KCNH1: variants seen among roughly 807,000 people sequenced by gnomAD.
KCNH1 encodes voltage-gated delayed rectifier potassium channel KCNH1.
Under a neutral mutation model 69.2 loss-of-function variants are expected in KCNH1, and 27 were observed. That is an observed-to-expected ratio of 0.39 (90% CI 0.29 to 0.54). The LOEUF (loss-of-function observed/expected upper bound fraction) is 0.54. Among genes scored for constraint, KCNH1 ranks in the 20% least tolerant of loss-of-function variants. The probability of loss-of-function intolerance (pLI) is 0.68; values close to 1 mark genes in which losing one functional copy is unlikely to be tolerated. For missense variants in KCNH1, 798 were observed against 1,261.6 expected, an observed-to-expected ratio of 0.63 and a Z score of 5.57; for synonymous variants, 456 against 487.7, an observed-to-expected ratio of 0.93 and a Z score of 0.86.
chr1:210,846,823 C>T (rs1685560319), intron 7 of KCNH1, among the ~76,000 whole-genome samples: 1 of 152,098 alleles, frequency 6.6e-6, no homozygotes, highest in East Asian at 1.9e-4. Context: ...ATTTTTGCAA[C>T]CTACTCATCT....
intron 10 of KCNH1, among the ~76,000 whole-genome samples, chr1:210,738,552 CTTTTTTTTTTTTTTTT>C (rs57669878): frequency 0.01 from 509 of 49,186 alleles, 8 homozygotes; most frequent in African/African-American, 0.032. Flanking sequence ...GGCTTTTTTG[CTTTTTTTTTTTTTTTT>C]TTTTTTTTTT....
chr1:210,744,885 T>G (rs1208163991), intron 10 of KCNH1, among the ~76,000 whole-genome samples: 1 of 151,982 alleles, frequency 6.6e-6, no homozygotes, highest in Non-Finnish European at 1.5e-5. Flanking sequence ...ATGTAAATGT[T>G]AAACAAAGAT....
chr1:210,787,243 C>G (rs1462296208), intron 9 of KCNH1, among the ~76,000 whole-genome samples: 1 of 151,998 alleles, frequency 6.6e-6, no homozygotes, highest in Admixed American at 6.5e-5. Flanking sequence ...TCTAATCTCC[C>G]TTTGCAACCC....
At chr1:210,842,652 A>G (rs1685436009) in intron 7 of KCNH1, among the ~76,000 whole-genome samples, 1 of 152,196 alleles carries the variant, frequency 6.6e-6, no homozygotes, top group Non-Finnish European at 1.5e-5. Flanking sequence ...TTTTAAGGAA[A>G]GCAGGCTGAA....
At chr1:211,118,612 C>T (rs889097487) in intron 1 of KCNH1, among the ~76,000 whole-genome samples, 4 of 152,188 alleles carry the variant, frequency 2.6e-5, no homozygotes, top group Non-Finnish European at 4.4e-5. Flanking sequence ...AACAAACATT[C>T]TCTAAAAATT....
chr1:210,831,950 G>A (rs1685168616), intron 7 of KCNH1, among the ~76,000 whole-genome samples: 1 of 151,130 alleles, frequency 6.6e-6, no homozygotes, highest in South Asian at 2.1e-4. Flanking sequence ...AAATGTGCTG[G>A]TACAACTGAG....
chr1:210,926,946 TTGAAC>T (rs982530441), intron 6 of KCNH1, among the ~76,000 whole-genome samples: 1 of 151,992 alleles, frequency 6.6e-6, no homozygotes, highest in African/African-American at 2.4e-5. Flanking sequence ...CAGGACAGAA[TTGAAC>T]AAGCAGGAGA....
intron 5 of KCNH1, among the ~76,000 whole-genome samples, chr1:211,032,832 C>T (rs575287074): frequency 6.6e-6 from 1 of 152,252 alleles, no homozygotes; most frequent in Non-Finnish European, 1.5e-5. Context: ...TAGGCAATAC[C>T]ATTCAGGACA....
intron 6 of KCNH1, among the ~76,000 whole-genome samples, chr1:210,960,877 G>A (rs935734191): frequency 3.9e-5 from 6 of 152,154 alleles, no homozygotes; most frequent in Non-Finnish European, 7.4e-5. Flanking sequence ...CAGAAATGTA[G>A]GAGAGTTCTG....
At chr1:210,968,946 C>T (rs1000221944) in intron 6 of KCNH1, among the ~76,000 whole-genome samples, 2 of 152,040 alleles carry the variant, frequency 1.3e-5, no homozygotes, top group East Asian at 3.8e-4. Flanking sequence ...AAATTAAGGA[C>T]ATCCCTTTTT....
chr1:211,079,062 C>T (rs1371280015), intron 5 of KCNH1, among the ~76,000 whole-genome samples: 2 of 151,280 alleles, frequency 1.3e-5, no homozygotes, highest in Admixed American at 6.6e-5. Flanking sequence ...AATTGATAGA[C>T]CACTAGCAAG....
chr1:210,724,284 G>A (rs1195835193), intron 10 of KCNH1, among the ~76,000 whole-genome samples: 2 of 152,142 alleles, frequency 1.3e-5, no homozygotes, highest in Non-Finnish European at 2.9e-5. Context: ...AAATCAGAAT[G>A]TCTGATGTGG....
chr1:210,961,680 A>C (rs1245426983), intron 6 of KCNH1, among the ~76,000 whole-genome samples: 1 of 152,026 alleles, frequency 6.6e-6, no homozygotes, highest in Admixed American at 6.6e-5. Context: ...TTCTCTACTA[A>C]AAATAAAAAA....
chr1:210,741,910 C>T (rs530887121), intron 10 of KCNH1, among the ~76,000 whole-genome samples: 10 of 152,128 alleles, frequency 6.6e-5, no homozygotes, highest in Non-Finnish European at 1.2e-4. Flanking sequence ...AGAAGAGCCC[C>T]GCTAGATTAA....
At chr1:210,798,304 G>A (rs1412294283) in intron 8 of KCNH1, among the ~76,000 whole-genome samples, 1 of 152,178 alleles carries the variant, frequency 6.6e-6, no homozygotes, top group Middle Eastern at 3.2e-3. Flanking sequence ...CTCCCAAAGT[G>A]CTGGGATTAC....
At chr1:211,102,445 G>T (rs1691274819) in intron 3 of KCNH1, among the ~76,000 whole-genome samples, 1 of 152,124 alleles carries the variant, frequency 6.6e-6, no homozygotes, top group Non-Finnish European at 1.5e-5. Flanking sequence ...AGTGGGGTGG[G>T]AACTAGATCT....
At chr1:210,807,255 C>A (rs769369710) in intron 7 of KCNH1, among the ~76,000 whole-genome samples, 2 of 152,012 alleles carry the variant, frequency 1.3e-5, no homozygotes, top group African/African-American at 2.4e-5. Flanking sequence ...TTTATGGTCA[C>A]GCTTCCCTCA....
chr1:210,903,609 C>G (rs1447514447), intron 7 of KCNH1, among the ~76,000 whole-genome samples: 5 of 152,126 alleles, frequency 3.3e-5, no homozygotes, highest in Non-Finnish European at 5.9e-5. Context: ...ATAAAGCAGG[C>G]ATTCATAATA....
chr1:210,761,173 A>G (rs538751201), intron 10 of KCNH1, among the ~76,000 whole-genome samples: 2 of 135,814 alleles, frequency 1.5e-5, no homozygotes, highest in South Asian at 5.1e-4. Flanking sequence ...AATGGCGTGA[A>G]CCCGGGAGGC....
Sources: gnomAD v4.1 joint callset for allele counts (sites outside exome capture counted in the v4.1 genomes callset) on GRCh38, gnomAD v4.1.1 for gene constraint, MANE v1.5 for transcripts, NCBI Gene and HGNC (gene_info 2026-07-23, HGNC 2026-07-21) for gene names.